Variants in POC5 observed in about 807,000 individuals in gnomAD.
POC5 encodes POC5 centriolar protein.
A neutral mutation model predicts 62.9 loss-of-function variants in POC5; 48 were observed. That is an observed-to-expected ratio of 0.76 (90% CI 0.61 to 0.97). POC5 has a LOEUF of 0.97. Ranked by LOEUF, POC5 falls within the 50% of genes least tolerant of loss-of-function variation. POC5 has a pLI of 0.00. For synonymous variants in POC5, 236 were observed against 228.2 expected, an observed-to-expected ratio of 1.03 and a Z score of -0.31; for missense variants, 696 against 679.5, an observed-to-expected ratio of 1.02 and a Z score of -0.27.
At chr5:75,696,917 T>G (rs1776624000) in intron 5 of POC5, among the ~76,000 whole-genome samples, 1 of 151,714 alleles carries the variant, frequency 6.6e-6, no homozygotes, top group Non-Finnish European at 1.5e-5. Context: ...TGCAGAAGCC[T>G]CAGGAGCTGA....
chr5:75,702,578 T>C (rs1229977078), intron 5 of POC5, 27 bp downstream of exon 5: 2 of 1,591,598 alleles, frequency 1.3e-6, no homozygotes, highest in Admixed American at 3.4e-5. Flanking sequence ...ACTAAACAAC[T>C]GTAATTGAAG....
At chr5:75,706,725 T>C (rs957197391) in intron 3 of POC5, among the ~76,000 whole-genome samples, 3 of 152,040 alleles carry the variant, frequency 2.0e-5, no homozygotes, top group Non-Finnish European at 1.5e-5. Context: ...GCCCGGCTAA[T>C]TTTTTTGTAG....
Position 75,694,668 on chromosome 5 carries a change from C to A in POC5, c.677G>T (p.Gly226Val). 6.5e-7 allele frequency: 1 copy of A among 1,549,422 alleles called. No homozygotes were observed. The highest frequency in any genetic ancestry group is 2.4e-5 in the East Asian group (1 of 42,380). The change falls in exon 6 of 12, where the codon GGG becomes GTG. Residue 226 changes from glycine (G) to valine (V), a missense_variant. Coordinates refer to ENST00000428202, the MANE Select transcript of POC5 (RefSeq NM_001099271.2). ...ELQKTFEISI[G>V]RKDEVISSLS... ...AAAAAAGAAGACCTCATCTTTTCTC[C>A]CAATGGAGATTTCAAAGGTTTTTTG...
intron 5 of POC5, 64 bp from the exon 6 acceptor site, chr5:75,694,895 C>G: frequency 2.6e-6 from 3 of 1,132,662 alleles, no homozygotes; most frequent in Non-Finnish European, 3.7e-6. Context: ...TAAAACTACA[C>G]TGAAATAAAG....
chr5:75,703,272 C>T (rs1339862340), intron 4 of POC5, among the ~76,000 whole-genome samples: 3 of 152,194 alleles, frequency 2.0e-5, no homozygotes, highest in Admixed American at 6.5e-5. Flanking sequence ...TGACCAAGGT[C>T]AGTGTGGTTG....
intron 3 of POC5, 40 bp downstream of exon 3, chr5:75,707,697 A>G: frequency 2.8e-6 from 4 of 1,406,112 alleles, no homozygotes; most frequent in Non-Finnish European, 3.9e-6. Context: ...AAACTCAGTA[A>G]TATTTTAAAT....
intron 5 of POC5, among the ~76,000 whole-genome samples, chr5:75,700,825 C>G (rs1394802227): frequency 2.1e-5 from 3 of 139,696 alleles, no homozygotes; most frequent in African/African-American, 5.1e-5. Context: ...ACTTATCTGA[C>G]AAAGGGCTAA....
chr5:75,702,075 T>C (rs1245699259), intron 5 of POC5, among the ~76,000 whole-genome samples: 2 of 152,020 alleles, frequency 1.3e-5, no homozygotes, highest in African/African-American at 2.4e-5. Context: ...AAGTACAGTT[T>C]CTGAACCAGT....
chr5:75,711,027 T>G (rs1286111894), intron 2 of POC5, among the ~76,000 whole-genome samples: 1 of 152,184 alleles, frequency 6.6e-6, no homozygotes, highest in Non-Finnish European at 1.5e-5. Flanking sequence ...TGCTATGGCT[T>G]AAAGGGGAAA....
rs201773864 is a variant in POC5 at position 75,685,327 on chromosome 5, C to T, written c.1287G>A (p.Ala429=). 11 of 1,613,994 alleles carry T rather than the reference C, an allele frequency of 6.8e-6. No individual in the cohort carries two copies. The highest frequency in any genetic ancestry group is 2.7e-5 in the African/African-American group (2 of 75,040). The change falls in exon 10 of 12, where the codon GCG becomes GCA. Residue 429 remains alanine, a synonymous_variant. Coordinates refer to ENST00000428202, the MANE Select transcript of POC5 (RefSeq NM_001099271.2). ...TCGAAGCAGCTGAGGGAACGGCAGT[C>T]GCGCTGGCTCCTCCGACGGCGGCTG... ...SPPAAVGGAS[A]TAVPSAASMT... is the part of the protein sequence containing the mutation.
chr5:75,700,465 A>G (rs1475423554), intron 5 of POC5, among the ~76,000 whole-genome samples: 16 of 151,518 alleles, frequency 1.1e-4, no homozygotes, highest in East Asian at 5.8e-4. Context: ...ACAAGCAATG[A>G]GGAAAGGATT....
At chr5:75,708,395 AC>A (rs997684246) in intron 2 of POC5, among the ~76,000 whole-genome samples, 1 of 152,190 alleles carries the variant, frequency 6.6e-6, no homozygotes, top group African/African-American at 2.4e-5. Flanking sequence ...TCTGTGAGTG[AC>A]TCAACACTGA....
At chr5:75,698,765 T>C (rs1428650334) in intron 5 of POC5, among the ~76,000 whole-genome samples, 18 of 151,848 alleles carry the variant, frequency 1.2e-4, no homozygotes, top group Admixed American at 1.1e-3. Context: ...TTCAAAAAAT[T>C]AATGAATCCA....
At chr5:75,709,074 A>G (rs1777236586) in intron 2 of POC5, among the ~76,000 whole-genome samples, 1 of 152,104 alleles carries the variant, frequency 6.6e-6, no homozygotes. Context: ...CTCTTGATCC[A>G]CAGCCCTGGA....
chr5:75,683,675 C>T (rs573166032), intron 10 of POC5, among the ~76,000 whole-genome samples: 1 of 150,980 alleles, frequency 6.6e-6, no homozygotes, highest in South Asian at 2.1e-4. Flanking sequence ...GAGTTAGAGC[C>T]ACGATGTGCT....
chr5:75,689,570 A>T, intron 8 of POC5: 1 of 983,612 alleles, frequency 1.0e-6, no homozygotes, highest in South Asian at 4.7e-5. Context: ...CAGAATTTTT[A>T]TAATGTAAAT....
chr5:75,701,249 G>A (rs1339029396), intron 5 of POC5, among the ~76,000 whole-genome samples: 2 of 140,762 alleles, frequency 1.4e-5, no homozygotes, highest in African/African-American at 2.5e-5. Context: ...TAAATCATGC[G>A]GCTATAAAGA....
chr5:75,686,171 A>G (rs1203566377), intron 9 of POC5, among the ~76,000 whole-genome samples: 1 of 152,214 alleles, frequency 6.6e-6, no homozygotes, highest in Non-Finnish European at 1.5e-5. Flanking sequence ...TAAGGAGCCA[A>G]TAATGTCAAA....
chr5:75,685,264 G>A lies in POC5; in HGVS notation c.1350C>T (p.His450=), dbSNP rs376069220. ...STRAASASSV[H]VPVSALGAGS... is the part of the protein sequence containing the mutation. The stretch of plus-strand genomic sequence containing the variant: ...CTGCACCAAGAGCAGAAACAGGAAC[G>A]TGAACAGAAGATGCGGAAGCAGCCC... Residue 450 remains histidine (H), a synonymous_variant, in exon 10 of 12, where the codon CAC becomes CAT. Coordinates refer to ENST00000428202, the MANE Select transcript of POC5 (RefSeq NM_001099271.2). 30 of 1,613,902 alleles carry A rather than the reference G, an allele frequency of 1.9e-5. No homozygotes were observed. The highest frequency in any genetic ancestry group is 1.7e-4 in the African/African-American group (13 of 74,934).
Sources: allele counts gnomAD v4.1 joint callset (sites outside exome capture counted in the v4.1 genomes callset), GRCh38; gene constraint gnomAD v4.1.1; transcripts MANE v1.5; gene names NCBI Gene and HGNC (gene_info 2026-07-23, HGNC 2026-07-21).